Variants in CHD7 observed in about 807,000 individuals in gnomAD.
The protein encoded by CHD7 is ATP-dependent chromatin remodeler CHD7.
A neutral mutation model predicts 307.3 loss-of-function variants in CHD7; 24 were observed. The ratio of observed to expected loss-of-function variants is 0.08; its 90% CI spans 0.06 to 0.11. CHD7 has a LOEUF of 0.11. Ranked by LOEUF, CHD7 falls within the 10% of genes least tolerant of loss-of-function variation. CHD7 has a pLI of 1.00. For synonymous variants in CHD7, 1,363 were observed against 1,349.9 expected, an observed-to-expected ratio of 1.01 and a Z score of -0.21; for missense variants, 3,106 against 3,727.1, an observed-to-expected ratio of 0.83 and a Z score of 4.34.
At position 60,814,276 on chromosome 8, in the gene CHD7, G is replaced by A. The variant is rs142547730; in HGVS notation, c.2499-2111G>A. ...TTATAGCAGATAAAGCAGGGCTGGA[G>A]CCACTTGCTTATATGCTTGTGTCCA... On this transcript the variant is annotated intron_variant, in intron 7 of 37. Transcript: ENST00000423902. Among the ~76,000 whole-genome samples the A allele has an allele frequency of 3.2e-3, 485 of 152,332 alleles. 1 individual carries two copies. The highest frequency in any genetic ancestry group is 0.011 in the African/African-American group (470 of 41,562).
At chr8:60,777,083 T>C (rs550108765) in intron 2 of CHD7, among the ~76,000 whole-genome samples, 103 of 152,354 alleles carry the variant, frequency 6.8e-4, no homozygotes, top group African/African-American at 2.1e-3. Flanking sequence ...AAGTGCCTCC[T>C]CCTCATTGCC....
intron 3 of CHD7, among the ~76,000 whole-genome samples, chr8:60,789,442 T>C (rs1811663734): frequency 6.6e-6 from 1 of 152,220 alleles, no homozygotes; most frequent in Non-Finnish European, 1.5e-5. Flanking sequence ...TCAAGGTTAA[T>C]TTTTCCCAAT....
chr8:60,850,911 T>C (rs955866325), intron 26 of CHD7, 121 bp from the exon 27 acceptor site: 23 of 749,346 alleles, frequency 3.1e-5, no homozygotes, highest in Non-Finnish European at 4.7e-5. Context: ...AGAGTTGCTT[T>C]TGATGTCAAA....
chr8:60,732,425 G>A (rs985353258), intron 1 of CHD7, among the ~76,000 whole-genome samples: 3 of 152,186 alleles, frequency 2.0e-5, no homozygotes, highest in Non-Finnish European at 4.4e-5. Context: ...CTCCTCCAGA[G>A]GTTCAGTGTC....
chr8:60,717,035 T>C (rs1293963571), intron 1 of CHD7, among the ~76,000 whole-genome samples: 1 of 11,652 alleles, frequency 8.6e-5, no homozygotes, highest in Non-Finnish European at 2.2e-4. Flanking sequence ...CCTTAAGCCT[T>C]TTTTTTTTTT....
At chr8:60,830,718 C>T (rs1804471071) in intron 15 of CHD7, 141 bp downstream of exon 15, 1 of 896,892 alleles carries the variant, frequency 1.1e-6, no homozygotes, top group Non-Finnish European at 1.7e-6. Context: ...CAGCTTCCCA[C>T]TTTCTGTGAT....
Position 60,742,438 on chromosome 8 carries a change from A to G in CHD7, c.1006A>G (p.Asn336Asp), listed in dbSNP as rs886040979. Reference sequence around the variant, plus strand: ...GATGAATCAAAATTTAGGCCTTACAAATAATACTCCAATGAATCAGTCCGT... The same window carrying G: ...GATGAATCAAAATTTAGGCCTTACAGATAATACTCCAATGAATCAGTCCGT... ...TGMNQNLGLT[N>D]NTPMNQSVPR... The change falls in exon 2 of 38, where the codon AAT (asparagine) becomes GAT (aspartate). Residue 336 changes from asparagine to aspartate, a missense_variant. Physicochemically the swap from Asn to Asp is conservative, Grantham distance 23 (BLOSUM62 1). Coordinates refer to ENST00000423902, the MANE Select transcript of CHD7 (RefSeq NM_017780.4). 1.2e-6 allele frequency: 2 copies of G among 1,614,066 alleles called. No homozygotes were observed. Among genetic ancestry groups the G allele is most frequent in the Non-Finnish European group, 1.7e-6 (2 of 1,179,892 alleles).
rs1203308111 is a variant in CHD7 at position 60,781,328 on chromosome 8, C to G, written c.1994C>G (p.Pro665Arg). The change falls in exon 3 of 38, where the codon CCC becomes CGC. Residue 665 changes from proline to arginine, a missense_variant. Pro to Arg is a moderately radical substitution (Grantham distance 103, BLOSUM62 -2). This residue lies in a region of CHD7 where 998 missense variants were observed against 1,004.5 expected (regional missense o/e 0.99). Transcript: ENST00000423902. ...EPKEPKEKKE[P>R]KEPKTPKAPK... ...AAAGAACCCAAGGAGAAAAAAGAGC[C>G]CAAGGAACCCAAGACCCCGAAAGCC... 2 of 1,572,076 alleles carry G rather than the reference C, an allele frequency of 1.3e-6. No homozygotes were observed. Among genetic ancestry groups the G allele is most frequent in the Non-Finnish European group, 1.7e-6 (2 of 1,160,270 alleles).
intron 1 of CHD7, among the ~76,000 whole-genome samples, chr8:60,705,817 C>T (rs1806997324): frequency 6.6e-6 from 1 of 152,166 alleles, no homozygotes; most frequent in Non-Finnish European, 1.5e-5. Flanking sequence ...ATTTTTATAT[C>T]AACTCCTATG....
At chr8:60,820,212 C>T in intron 9 of CHD7, 122 bp downstream of exon 9, 1 of 473,222 alleles carries the variant, frequency 2.1e-6, no homozygotes, top group Middle Eastern at 2.8e-4. Flanking sequence ...CACACTTGGT[C>T]TAAATTTAAC....
intron 1 of CHD7, among the ~76,000 whole-genome samples, chr8:60,684,643 A>G (rs1239064183): frequency 3.9e-5 from 6 of 152,128 alleles, no homozygotes; most frequent in Non-Finnish European, 8.8e-5. Flanking sequence ...ACCTGCAGGG[A>G]GGCTGTGTGT....
chr8:60,804,964 A>G (rs1222141706), intron 6 of CHD7, among the ~76,000 whole-genome samples: 2 of 152,236 alleles, frequency 1.3e-5, no homozygotes, highest in Non-Finnish European at 1.5e-5. Flanking sequence ...GAAAAATTCT[A>G]TTTAATTCAT....
chr8:60,805,059 A>G lies in CHD7; in HGVS notation c.2443-3158A>G, dbSNP rs115056414. 3.7e-3 allele frequency among the ~76,000 whole-genome samples: 570 copies of G among 152,292 alleles called. 6 individuals are homozygous for G. Among genetic ancestry groups the G allele is most frequent in the African/African-American group, 0.013 (547 of 41,564 alleles). On this transcript the variant is annotated intron_variant, in intron 6 of 37. Coordinates refer to ENST00000423902, the MANE Select transcript of CHD7 (RefSeq NM_017780.4). Reference sequence around the variant, plus strand: ...GTGTATGTATGGGAATAGTTCTTTGACTTAGTTATTCATTGCCTATGCCTG... The same window carrying G: ...GTGTATGTATGGGAATAGTTCTTTGGCTTAGTTATTCATTGCCTATGCCTG...
chr8:60,829,603 A>G (rs1237043326), intron 14 of CHD7, among the ~76,000 whole-genome samples: 1 of 152,198 alleles, frequency 6.6e-6, no homozygotes, highest in African/African-American at 2.4e-5. Context: ...TTCATCTCAA[A>G]AAAAAGGAAA....
At chr8:60,713,207 G>GT (rs1332552684) in intron 1 of CHD7, among the ~76,000 whole-genome samples, 3 of 151,974 alleles carry the variant, frequency 2.0e-5, no homozygotes, top group Non-Finnish European at 4.4e-5. Flanking sequence ...TGCCTCCTGG[G>GT]TTCAAGCGAT....
chr8:60,751,755 G>A (rs951692108), intron 2 of CHD7, among the ~76,000 whole-genome samples: 1 of 152,172 alleles, frequency 6.6e-6, no homozygotes, highest in Non-Finnish European at 1.5e-5. Flanking sequence ...CGAGGGCTAG[G>A]ACATGACTGC....
chr8:60,862,630 G>A lies in CHD7; in HGVS notation c.8054G>A (p.Trp2685Ter), dbSNP rs1379672442. The part of the protein sequence containing the change: ...ENPEFAVAPD[W>*]TDIVKQSGFV... ...CCTGAATTTGCAGTTGCTCCAGACT[G>A]GACTGATATAGTTAAGCAGTCTGTA... Residue 2685 changes from tryptophan (W) to a stop codon, truncating the protein, a stop_gained, in exon 37 of 38, where the codon TGG becomes TAG. Coordinates refer to ENST00000423902, the MANE Select transcript of CHD7 (RefSeq NM_017780.4). LOFTEE classifies it high-confidence loss of function. 1 of 1,566,752 alleles carries A rather than the reference G, an allele frequency of 6.4e-7. No individual in the cohort carries two copies.
chr8:60,690,025 T>C (rs1331091451), intron 1 of CHD7, among the ~76,000 whole-genome samples: 1 of 152,234 alleles, frequency 6.6e-6, no homozygotes. Context: ...CTTGTGTGAA[T>C]ATGCAGCCTC....
intron 36 of CHD7, 85 bp downstream of exon 36, chr8:60,862,421 AAAG>A: frequency 6.6e-7 from 1 of 1,507,102 alleles, no homozygotes; most frequent in South Asian, 1.3e-5. Context: ...CTATAGGGGA[AAAG>A]AATCCTGTCT....
Sources: allele counts gnomAD v4.1 joint callset (sites outside exome capture counted in the v4.1 genomes callset), GRCh38; gene constraint gnomAD v4.1.1; regional missense constraint gnomAD v4.1.1; transcripts MANE v1.5; gene names NCBI Gene and HGNC (gene_info 2026-07-23, HGNC 2026-07-21).